NTSR1: variants seen among roughly 807,000 people sequenced by gnomAD.
NTSR1 encodes neurotensin receptor 1, also known as neurotensin receptor type 1.
NTSR1 carries 29 observed loss-of-function variants against 31.2 expected under a neutral mutation model. That is an observed-to-expected ratio of 0.93 (90% CI 0.69 to 1.27). NTSR1 has a LOEUF of 1.27. NTSR1 is among the 50% of genes most tolerant of loss of function. The probability of loss-of-function intolerance (pLI) is 0.00; values close to 1 mark genes in which losing one functional copy is unlikely to be tolerated. For missense variants in NTSR1, 697 were observed against 595.4 expected (o/e 1.17, Z -1.78); for synonymous variants, 282 against 269.9 (o/e 1.04, Z -0.44).
chr20:62,727,447 G>T (rs546108169), intron 1 of NTSR1, among the ~76,000 whole-genome samples: 1 of 152,330 alleles, frequency 6.6e-6, no homozygotes, highest in African/African-American at 2.4e-5. Flanking sequence ...CACGGGTTCT[G>T]CCCCAGAGAT....
intron 1 of NTSR1, chr20:62,735,412 G>A (rs1989074119): frequency 6.6e-6 from 1 of 152,250 alleles, no homozygotes; most frequent in African/African-American, 2.4e-5. Flanking sequence ...GGGCCCCCCG[G>A]GGAGAGAGTG....
intron 1 of NTSR1, among the ~76,000 whole-genome samples, chr20:62,747,080 G>A (rs1989313108): frequency 6.6e-6 from 1 of 152,252 alleles, no homozygotes; most frequent in Non-Finnish European, 1.5e-5. Context: ...TGGAAACACA[G>A]TTCAGCACAT....
chr20:62,710,317 G>C (rs534869016), intron 1 of NTSR1, among the ~76,000 whole-genome samples: 1 of 152,230 alleles, frequency 6.6e-6, no homozygotes. Context: ...CCCCAGACTG[G>C]CTCTGCCGGT....
chr20:62,725,172 C>T (rs1988885347), intron 1 of NTSR1, among the ~76,000 whole-genome samples: 1 of 152,232 alleles, frequency 6.6e-6, no homozygotes, highest in Non-Finnish European at 1.5e-5. Context: ...AGCACCAGAG[C>T]CCCAGATAAG....
chr20:62,749,134 T>C (rs1214563538), intron 1 of NTSR1, among the ~76,000 whole-genome samples: 1 of 152,094 alleles, frequency 6.6e-6, no homozygotes, highest in East Asian at 1.9e-4. Flanking sequence ...AAACTGGATA[T>C]CCCCATGCAA....
chr20:62,710,518 G>A (rs1268780618), intron 1 of NTSR1, among the ~76,000 whole-genome samples: 1 of 152,196 alleles, frequency 6.6e-6, no homozygotes, highest in Non-Finnish European at 1.5e-5. Flanking sequence ...ACACATAGAA[G>A]GGCTCACAGG....
rs1049689955 is a variant in NTSR1 at position 62,762,166 on chromosome 20, G to A, written c.*1899G>A. The A allele has an allele frequency of 2.6e-5, 4 of 152,270 alleles. No individual in the cohort carries two copies. The highest frequency in any genetic ancestry group is 5.9e-5 in the Non-Finnish European group (4 of 68,080). The allele number at this position is 152,270 out of a possible 1,614,324, so 9.4% of individuals were successfully genotyped here. A position where few individuals can be genotyped will look rare whatever the true frequency, so the allele number is the denominator to read the frequency against. On this transcript the variant is annotated 3_prime_UTR_variant, in exon 4 of 4. Coordinates refer to ENST00000370501, the MANE Select transcript of NTSR1 (RefSeq NM_002531.3). ...GCTAAGGCCCCTCAGGCTGGGCTCT[G>A]AACGAGGACCTGGACTCAGAGCCAG...
chr20:62,740,247 A>G (rs1282072322), intron 1 of NTSR1, among the ~76,000 whole-genome samples: 1 of 152,246 alleles, frequency 6.6e-6, no homozygotes, highest in Non-Finnish European at 1.5e-5. Context: ...GCCTCAGCAA[A>G]CCGGATCGAA....
In NTSR1 at chr20:62,754,886, C is replaced by T. The variant is rs144630420; in HGVS notation, c.916C>T (p.Arg306Cys). The T allele has an allele frequency of 2.9e-4, 469 of 1,592,532 alleles. No homozygotes were observed. The highest frequency in any genetic ancestry group is 3.8e-4 in the Non-Finnish European group (447 of 1,173,840). Reference sequence around the variant, plus strand: ...CCTGCGGCACGGCGTGCGCGTCCTACGTACGTAACCTCTGGGCCCTCCAGG... The same window carrying T: ...CCTGCGGCACGGCGTGCGCGTCCTATGTACGTAACCTCTGGGCCCTCCAGG... ...QALRHGVRVL[R>C]AVVIAFVVCW... Residue 306 changes from arginine to cysteine, a missense_variant and splice_region_variant, in exon 2 of 4, where the codon CGT (arginine) becomes TGT (cysteine). Transcript: ENST00000370501.
Position 62,711,409 on chromosome 20 carries a change from G to T in NTSR1, c.714+1488G>T, listed in dbSNP as rs1988610132. On this transcript the variant is annotated intron_variant, in intron 1 of 3. Transcript: ENST00000370501. The surrounding 1 kb of genome is among the most constrained non-coding windows in gnomAD (Gnocchi z 6.4). Reference sequence around the variant, plus strand: ...CTCCCCAAGCTCCTGTCTTTGATTGGCATTGGCCAGGGGGAACCTCTCCCC... The same window carrying T: ...CTCCCCAAGCTCCTGTCTTTGATTGTCATTGGCCAGGGGGAACCTCTCCCC... 6.6e-6 allele frequency among the ~76,000 whole-genome samples: 1 copy of T among 152,154 alleles called. No individual in the cohort carries two copies. Among genetic ancestry groups the T allele is most frequent in the Non-Finnish European group, 1.5e-5 (1 of 68,016 alleles).
Position 62,754,706 on chromosome 20 carries a change from A to G in NTSR1, c.736A>G (p.Ile246Val). ...GCAGGTCAACACCTTCATGTCCTTC[A>G]TATTCCCCATGGTGGTCATCTCGGT... ...VIQVNTFMSF[I>V]FPMVVISVLN... Residue 246 changes from isoleucine to valine, a missense_variant, in exon 2 of 4, where the codon ATA becomes GTA. Ile to Val is a conservative substitution (Grantham distance 29). Coordinates refer to ENST00000370501, the MANE Select transcript of NTSR1 (RefSeq NM_002531.3). 6.2e-7 allele frequency: 1 copy of G among 1,612,618 alleles called. No homozygotes were observed. The highest frequency in any genetic ancestry group is 8.5e-7 in the Non-Finnish European group (1 of 1,179,740).
chr20:62,759,753 A>C (rs374231118), intron 3 of NTSR1, among the ~76,000 whole-genome samples: 2,882 of 136,652 alleles, frequency 0.021, 110 homozygotes, highest in African/African-American at 0.068. Flanking sequence ...CCAGCCTGGG[A>C]GACAGAGCGA....
Position 62,742,704 on chromosome 20 carries a change from G to A in NTSR1, c.715-11981G>A, listed in dbSNP as rs1402228086. ...GGTGTCTCCTCTGAGGACAGCCACT[G>A]GTCAGAGCCTCCTGGATGACCTCAC... is the stretch of plus-strand genomic sequence containing the variant. On this transcript the variant is annotated intron_variant, in intron 1 of 3. Coordinates refer to ENST00000370501, the MANE Select transcript of NTSR1 (RefSeq NM_002531.3). The surrounding 1 kb of genome is among the most constrained non-coding windows in gnomAD (Gnocchi z 7.1). 1.3e-5 allele frequency among the ~76,000 whole-genome samples: 2 copies of A among 149,428 alleles called. No homozygotes were observed. The highest frequency in any genetic ancestry group is 2.9e-5 in the Non-Finnish European group (2 of 68,010).
Position 62,760,560 on chromosome 20 carries a change from T to G in NTSR1, c.*293T>G. 2.8e-6 allele frequency: 1 copy of G among 352,614 alleles called. No homozygotes were observed. 21.8% of individuals were successfully genotyped at this position (352,614 alleles called of 1,614,324 possible). A position where few individuals can be genotyped will look rare whatever the true frequency, so the allele number is the denominator to read the frequency against. On this transcript the variant is annotated 3_prime_UTR_variant, in exon 4 of 4. Transcript: ENST00000370501. ...AGGGCCTCTAACAAGGAGAAATTAG[T>G]GTGCGGCAAAAGGCAGTTTTCTTTG... is the stretch of plus-strand genomic sequence containing the variant.
chr20:62,731,417 A>G (rs1196487922), intron 1 of NTSR1, among the ~76,000 whole-genome samples: 1 of 152,116 alleles, frequency 6.6e-6, no homozygotes, highest in Non-Finnish European at 1.5e-5. Context: ...AGTCCAGCTT[A>G]TTCATTTTTT....
intron 1 of NTSR1, among the ~76,000 whole-genome samples, chr20:62,737,694 C>A (rs1256849899): frequency 6.6e-6 from 1 of 152,072 alleles, no homozygotes; most frequent in Admixed American, 6.5e-5. Context: ...CAGGTCCAGC[C>A]CCGGATGCAG....
chr20:62,716,008 A>G (rs1314158633), intron 1 of NTSR1, among the ~76,000 whole-genome samples: 1 of 152,238 alleles, frequency 6.6e-6, no homozygotes, highest in Non-Finnish European at 1.5e-5. Flanking sequence ...TATTAAGAGA[A>G]GAAAGAAGCT....
At chr20:62,754,925 C>G in intron 2 of NTSR1, 39 bp downstream of exon 2, 4 of 1,530,968 alleles carry the variant, frequency 2.6e-6, no homozygotes. Flanking sequence ...GGGAGGCAGG[C>G]CAGGGCTAGC....
chr20:62,725,040 T>C (rs1600722461), intron 1 of NTSR1, among the ~76,000 whole-genome samples: 1 of 152,062 alleles, frequency 6.6e-6, no homozygotes, highest in African/African-American at 2.4e-5. Context: ...TTTTCGGGGC[T>C]ACCAATTACT....
Sources: gnomAD v4.1 joint callset for allele counts (sites outside exome capture counted in the v4.1 genomes callset) on GRCh38, gnomAD v4.1.1 for gene constraint, Gnocchi (gnomAD v3.1) non-coding constraint, MANE v1.5 for transcripts, NCBI Gene and HGNC (gene_info 2026-07-23, HGNC 2026-07-21) for gene names.